RIPOR2: variants seen among roughly 807,000 people sequenced by gnomAD.
The protein encoded by RIPOR2 is rho family-interacting cell polarization regulator 2.
RIPOR2 carries 39 observed loss-of-function variants against 114.5 expected under a neutral mutation model. The observed-to-expected ratio is 0.34, with a 90% CI of 0.26 to 0.44. The LOEUF (loss-of-function observed/expected upper bound fraction) is 0.44. Ranked by LOEUF, RIPOR2 falls within the 20% of genes least tolerant of loss-of-function variation. The pLI, the probability that RIPOR2 is intolerant of heterozygous loss-of-function variation, is 1.00. For synonymous variants in RIPOR2, 445 were observed against 484.4 expected, an observed-to-expected ratio of 0.92 and a Z score of 1.07; for missense variants, 1,007 against 1,255.1, an observed-to-expected ratio of 0.80 and a Z score of 2.99.
At chr6:24,976,511 G>C (rs13190691) in intron 1 of RIPOR2, 572,161 of 1,580,354 alleles carry the variant, frequency 0.36, 107,066 homozygotes, top group Non-Finnish European at 0.39. Context: ...AAACCAAGAA[G>C]TGACTGCTCA....
At chr6:24,957,716 T>C (rs376946927) in intron 1 of RIPOR2, among the ~76,000 whole-genome samples, 44 of 147,678 alleles carry the variant, frequency 3.0e-4, no homozygotes, top group African/African-American at 1.1e-3. Context: ...CACTGAAAAA[T>C]ACAAAAAAAT....
At chr6:24,877,127 CAGCAG>C (rs1765864290) in intron 1 of RIPOR2, 1 of 985,288 alleles carries the variant, frequency 1.0e-6, no homozygotes, top group African/African-American at 1.7e-5. Flanking sequence ...AAAAAAACAA[CAGCAG>C]CAGAACTCTC....
rs1287640833 is a variant in RIPOR2 at position 24,927,015 on chromosome 6, ACCACCACCATGATTATTATAATCATCATC to A, written c.61+8794_61+8822del. ...AACTACAATCACCACCACCATCACC[ACCACCACCATGATTATTATAATCATCATC>A]TCACTACCACCACCACCACCACCAC... is the stretch of plus-strand genomic sequence containing the variant. On this transcript the variant is annotated intron_variant, in intron 1 of 21. Coordinates refer to ENST00000643898, the MANE Select transcript of RIPOR2 (RefSeq NM_001286445.3). 0.03 allele frequency among the ~76,000 whole-genome samples: 57 copies of A among 1,924 alleles called. 1 individual carries two copies. The East Asian group carries it at 0.5, about 17-fold the overall frequency. The allele number at this position is 1,924 out of a possible 152,430, so 1.3% of individuals were successfully genotyped here.
chr6:24,854,093 T>C (rs1581605907), intron 8 of RIPOR2, among the ~76,000 whole-genome samples: 1 of 143,204 alleles, frequency 7.0e-6, no homozygotes, highest in African/African-American at 2.6e-5. Context: ...CACTCCAGCC[T>C]GGGTAACAGA....
intron 1 of RIPOR2, among the ~76,000 whole-genome samples, chr6:24,999,215 T>G (rs1775185920): frequency 6.6e-6 from 1 of 152,220 alleles, no homozygotes; most frequent in Non-Finnish European, 1.5e-5. Flanking sequence ...TGACTGAGAC[T>G]GACTGGACCC....
chr6:24,996,620 C>G, intron 1 of RIPOR2, among the ~76,000 whole-genome samples: 1 of 152,230 alleles, frequency 6.6e-6, no homozygotes, highest in East Asian at 1.9e-4. Context: ...TCCAACCACG[C>G]TGATGTACTT....
At chr6:24,999,648 C>T (rs1423482417) in intron 1 of RIPOR2, among the ~76,000 whole-genome samples, 4 of 151,832 alleles carry the variant, frequency 2.6e-5, no homozygotes, top group African/African-American at 7.3e-5. Context: ...CTCCACCTCC[C>T]GGGTTCACGC....
At chr6:24,820,891 T>C (rs905298979) in intron 19 of RIPOR2, among the ~76,000 whole-genome samples, 3 of 115,006 alleles carry the variant, frequency 2.6e-5, no homozygotes, top group African/African-American at 9.3e-5. Context: ...TTTTTTTTTT[T>C]TGAGAGAGTC....
In RIPOR2 at chr6:24,925,360, G is replaced by T. The variant is rs1029638695; in HGVS notation, c.61+10478C>A. Reference sequence around the variant, plus strand: ...AAGCTGTGTTGTCTTTTTGCATAGGGCAGATGATGCTTCTGACCCACCATC... The same window carrying T: ...AAGCTGTGTTGTCTTTTTGCATAGGTCAGATGATGCTTCTGACCCACCATC... On this transcript the variant is annotated intron_variant, in intron 1 of 21. Coordinates refer to ENST00000643898, the MANE Select transcript of RIPOR2 (RefSeq NM_001286445.3). Among the ~76,000 whole-genome samples the T allele has an allele frequency of 2.6e-5, 4 of 152,154 alleles. No homozygotes were observed. The South Asian group carries it at 8.3e-4, about 31-fold the overall frequency.
intron 1 of RIPOR2, among the ~76,000 whole-genome samples, chr6:25,008,271 CT>C (rs796962854): frequency 8.1e-4 from 123 of 152,300 alleles, no homozygotes; most frequent in African/African-American, 2.9e-3. Context: ...CCGCCTCGGC[CT>C]CCCAAAGTGC....
chr6:24,852,071 C>A (rs1004361358), intron 9 of RIPOR2, among the ~76,000 whole-genome samples: 2 of 151,944 alleles, frequency 1.3e-5, no homozygotes, highest in East Asian at 3.9e-4. Context: ...ACCAGCCTGG[C>A]CAACATGGTG....
intron 8 of RIPOR2, among the ~76,000 whole-genome samples, chr6:24,856,565 G>C (rs1763493164): frequency 6.6e-6 from 1 of 152,218 alleles, no homozygotes; most frequent in Non-Finnish European, 1.5e-5. Flanking sequence ...GACCAGCCTG[G>C]CTAACATGGA....
At position 24,954,455 on chromosome 6, in the gene RIPOR2, C is replaced by CTTTTTTTTTTT. The variant is rs372356246; in HGVS notation, c.77-78639_77-78638insAAAAAAAAAAA. On this transcript the variant is annotated intron_variant, in intron 1 of 13. Coordinates refer to the RIPOR2 transcript ENST00000510784. ...AACTGTGCAGGCCCAGTCTCTCTCT[C>CTTTTTTTTTTT]CTTTTTTTTTTTTTTTTTGAGACAG... Among the ~76,000 whole-genome samples, 13 of 116,252 alleles carry CTTTTTTTTTTT rather than the reference C, an allele frequency of 1.1e-4. 5 individuals are homozygous for CTTTTTTTTTTT. The highest frequency in any genetic ancestry group is 1.0e-4 in the Non-Finnish European group (6 of 58,480). The allele number at this position is 116,252 out of a possible 152,430, so 76.3% of individuals were successfully genotyped here.
At chr6:24,869,014 GATACT>G in intron 6 of RIPOR2, 75 bp downstream of exon 6, 1 of 759,030 alleles carries the variant, frequency 1.3e-6, no homozygotes, top group African/African-American at 1.8e-5. Flanking sequence ...CCACGCACTA[GATACT>G]ACGCTCAGCC....
chr6:24,877,204 G>A (rs570119148), intron 1 of RIPOR2: 22 of 985,428 alleles, frequency 2.2e-5, no homozygotes, highest in African/African-American at 8.7e-5. Flanking sequence ...AAAGCTACGC[G>A]AAGCAGCTCA....
intron 1 of RIPOR2, among the ~76,000 whole-genome samples, chr6:24,880,765 TC>T (rs1766265060): frequency 1.3e-5 from 2 of 152,318 alleles, no homozygotes; most frequent in South Asian, 2.1e-4. Context: ...CCTGATGAAG[TC>T]CTTATTATGA....
At chr6:25,013,586 T>G (rs1182054958) in intron 1 of RIPOR2, among the ~76,000 whole-genome samples, 1 of 152,132 alleles carries the variant, frequency 6.6e-6, no homozygotes, top group Non-Finnish European at 1.5e-5. Flanking sequence ...TTTTTTTTCA[T>G]GCAAAATCTT....
chr6:24,838,890 C>T (rs1308159988), intron 14 of RIPOR2, among the ~76,000 whole-genome samples: 2 of 152,164 alleles, frequency 1.3e-5, no homozygotes, highest in Non-Finnish European at 1.5e-5. Flanking sequence ...TTTATTTTCC[C>T]TTAAGCAACC....
intron 1 of RIPOR2, among the ~76,000 whole-genome samples, chr6:24,934,624 A>G (rs1375240651): frequency 6.6e-6 from 1 of 152,194 alleles, no homozygotes; most frequent in Admixed American, 6.5e-5. Flanking sequence ...TCCTTTTAAA[A>G]AATTACTGAA....
Sources: gnomAD v4.1 joint callset for allele counts (sites outside exome capture counted in the v4.1 genomes callset) on GRCh38, gnomAD v4.1.1 for gene constraint, MANE v1.5 for transcripts, NCBI Gene and HGNC (gene_info 2026-07-23, HGNC 2026-07-21) for gene names.